Variants in DSCAML1 observed in about 807,000 individuals in gnomAD.
DSCAML1 encodes the protein cell adhesion molecule DSCAML1.
Under a neutral mutation model 200.5 loss-of-function variants are expected in DSCAML1, and 38 were observed. The observed-to-expected ratio is 0.19, with a 90% confidence interval of 0.15 to 0.25. The LOEUF is 0.25. DSCAML1 is among the 10% of genes least tolerant of loss of function. DSCAML1 has a pLI of 1.00. For synonymous variants in DSCAML1, 1,215 were observed against 1,165.0 expected, an observed-to-expected ratio of 1.04 and a Z score of -0.87; for missense variants, 2,223 against 2,858.8, an observed-to-expected ratio of 0.78 and a Z score of 5.07.
intron 11 of DSCAML1, among the ~76,000 whole-genome samples, chr11:117,490,771 G>A (rs903162185): frequency 2.0e-5 from 3 of 152,184 alleles, no homozygotes. Context: ...CCTTTCTTTC[G>A]GTTTATCCTA....
At position 117,698,589 on chromosome 11, in the gene DSCAML1, T is replaced by A. The variant is rs142057753; in HGVS notation, c.511+78202A>T. ...GGTTTGATCTCTTGTTATTATTATTTTTTTTTCTTTAAATAGTAGTCATTT... is the reference window on the plus strand; with the variant it reads ...GGTTTGATCTCTTGTTATTATTATTATTTTTTCTTTAAATAGTAGTCATTT... On this transcript the variant is annotated intron_variant, in intron 3 of 32. Transcript: ENST00000651296. 7.8e-3 allele frequency among the ~76,000 whole-genome samples: 1,193 copies of A among 152,348 alleles called. 4 individuals are homozygous for A. The highest frequency in any genetic ancestry group is 0.014 in the Non-Finnish European group (929 of 68,030).
At chr11:117,701,266 A>AAAATAAATAAAT (rs60286619) in intron 3 of DSCAML1, among the ~76,000 whole-genome samples, 4 of 150,838 alleles carry the variant, frequency 2.7e-5, no homozygotes, top group East Asian at 3.9e-4. Context: ...ACTCCATCTC[A>AAAATAAATAAAT]AAATAAATAA....
intron 3 of DSCAML1, among the ~76,000 whole-genome samples, chr11:117,737,812 T>C (rs1342091110): frequency 6.6e-6 from 1 of 152,074 alleles, no homozygotes; most frequent in Non-Finnish European, 1.5e-5. Context: ...GTCCCAGCAA[T>C]GGGAGCAACC....
chr11:117,757,912 C>T (rs987945742), intron 3 of DSCAML1, among the ~76,000 whole-genome samples: 2 of 152,142 alleles, frequency 1.3e-5, no homozygotes, highest in Non-Finnish European at 2.9e-5. Flanking sequence ...ATCGCTTGAA[C>T]CCAGGAGGTG....
chr11:117,521,401 G>A lies in DSCAML1; in HGVS notation c.942C>T (p.Pro314=). Reference sequence around the variant, plus strand: ...TCTTTGGTGTCAGGGTCACATGAAGGGGATCTGGGCCGGGCCAGGGAGACG... The same window carrying A: ...TCTTTGGTGTCAGGGTCACATGAAGAGGATCTGGGCCGGGCCAGGGAGACG... ...EATGILMVID[P]LHVTLTPKKL... The change falls in exon 6 of 33, where the codon CCC becomes CCT. Residue 314 remains proline (P), a synonymous_variant. Coordinates refer to ENST00000651296, the MANE Select transcript of DSCAML1 (RefSeq NM_020693.4). The A allele has an allele frequency of 6.2e-7, 1 of 1,612,716 alleles. No homozygotes were observed. Among genetic ancestry groups the A allele is most frequent in the Non-Finnish European group, 8.5e-7 (1 of 1,178,934 alleles).
chr11:117,554,771 G>C (rs2050529985), intron 3 of DSCAML1, among the ~76,000 whole-genome samples: 1 of 152,220 alleles, frequency 6.6e-6, no homozygotes, highest in Non-Finnish European at 1.5e-5. Context: ...GAGGATGGCA[G>C]AGCAGGAAGG....
At chr11:117,582,313 C>A (rs1200000545) in intron 3 of DSCAML1, among the ~76,000 whole-genome samples, 1 of 152,168 alleles carries the variant, frequency 6.6e-6, no homozygotes, top group African/African-American at 2.4e-5. Flanking sequence ...AAGTGCTGAG[C>A]TGTGGCTGGG....
At chr11:117,439,229 G>C (rs750949245) in intron 23 of DSCAML1, 37 bp downstream of exon 23, 1 of 1,610,008 alleles carries the variant, frequency 6.2e-7, no homozygotes. Context: ...CTCCATCCCT[G>C]TCCCCACCTG....
chr11:117,496,091 G>A (rs1308374809), intron 11 of DSCAML1, among the ~76,000 whole-genome samples: 1 of 152,066 alleles, frequency 6.6e-6, no homozygotes, highest in Non-Finnish European at 1.5e-5. Context: ...CCATCCCTCC[G>A]GGAAGCTCCA....
At chr11:117,735,912 A>C (rs1278257832) in intron 3 of DSCAML1, among the ~76,000 whole-genome samples, 1 of 152,190 alleles carries the variant, frequency 6.6e-6, no homozygotes, top group Non-Finnish European at 1.5e-5. Flanking sequence ...CTAAGGGGCA[A>C]CCATGCAGAG....
intron 3 of DSCAML1, among the ~76,000 whole-genome samples, chr11:117,671,066 A>G (rs771474705): frequency 1.2e-4 from 19 of 152,236 alleles, no homozygotes; most frequent in Non-Finnish European, 2.5e-4. Flanking sequence ...GCCTAGCATA[A>G]GGAATGCACT....
At chr11:117,481,079 C>T (rs1204618737) in intron 13 of DSCAML1, 95 bp downstream of exon 13, 15 of 1,194,392 alleles carry the variant, frequency 1.3e-5, no homozygotes, top group South Asian at 3.7e-5. Context: ...TCCACCATGG[C>T]GTAGGCTGTG....
At chr11:117,701,512 G>T (rs1258626355) in intron 3 of DSCAML1, among the ~76,000 whole-genome samples, 1 of 152,174 alleles carries the variant, frequency 6.6e-6, no homozygotes, top group African/African-American at 2.4e-5. Flanking sequence ...TGCATCTGGA[G>T]GTACACAGGC....
rs527612178 is a variant in DSCAML1, at chr11:117,710,802, A to G, written c.511+65989T>C. On this transcript the variant is annotated intron_variant, in intron 3 of 32. Coordinates refer to ENST00000651296, the MANE Select transcript of DSCAML1 (RefSeq NM_020693.4). ...TTGGATGGGCCCTGTGGACAATACCATAAATATAGCAATGTCTCTGCTCTC... is the reference window on the plus strand; with the variant it reads ...TTGGATGGGCCCTGTGGACAATACCGTAAATATAGCAATGTCTCTGCTCTC... Among the ~76,000 whole-genome samples the G allele has an allele frequency of 5.9e-5, 9 of 152,348 alleles. No individual in the cohort carries two copies. In the South Asian group the frequency reaches 1.9e-3, roughly 32 times the overall value.
chr11:117,796,755 C>T (rs1314566377), intron 1 of DSCAML1, among the ~76,000 whole-genome samples: 2 of 152,212 alleles, frequency 1.3e-5, no homozygotes, highest in Non-Finnish European at 2.9e-5. Context: ...GCAGAACTGC[C>T]GCCGTGCAGG....
rs147081430 is a variant in DSCAML1 at position 117,606,328 on chromosome 11, C to T, written c.512-73806G>A. On this transcript the variant is annotated intron_variant, in intron 3 of 32. Coordinates refer to ENST00000651296, the MANE Select transcript of DSCAML1 (RefSeq NM_020693.4). The stretch of plus-strand genomic sequence containing the variant: ...CTGGAGAAATTTACCTTCACTGCCC[C>T]CCTGGAGAAGTTCTCGCGGCCTCAG... Among the ~76,000 whole-genome samples, 324 of 152,284 alleles carry T rather than the reference C, an allele frequency of 2.1e-3. 3 individuals carry two copies. Among genetic ancestry groups the T allele is most frequent in the African/African-American group, 7.5e-3 (310 of 41,548 alleles).
chr11:117,797,325 C>A, upstream of DSCAML1: 1 of 1,283,226 alleles, frequency 7.8e-7, no homozygotes, highest in East Asian at 3.2e-5. Context: ...GTGAGCGCCG[C>A]GCGAGCCCGG....
Position 117,438,099 on chromosome 11 carries a change from C to A in DSCAML1, c.4244-16G>T, listed in dbSNP as rs746016237. 1 of 1,594,880 alleles carries A rather than the reference C, an allele frequency of 6.3e-7. No homozygotes were observed. Among genetic ancestry groups the A allele is most frequent in the African/African-American group, 1.3e-5 (1 of 74,750 alleles). On this transcript the variant is annotated splice_polypyrimidine_tract_variant and intron_variant, in intron 24 of 32. Transcript: ENST00000651296. The stretch of plus-strand genomic sequence containing the variant: ...AGCACGAAGCCTGCGGAGGGTAGGC[C>A]TGATTCAGGTGGGGGCAGGGCAGGG...
intron 14 of DSCAML1, among the ~76,000 whole-genome samples, chr11:117,478,934 C>T (rs570072441): frequency 1.6e-4 from 24 of 152,312 alleles, no homozygotes; most frequent in African/African-American, 3.1e-4. Context: ...GGTGGCTTAC[C>T]GCAACTCAAC....
Sources: allele counts gnomAD v4.1 joint callset (sites outside exome capture counted in the v4.1 genomes callset), GRCh38; gene constraint gnomAD v4.1.1; transcripts MANE v1.5; gene names NCBI Gene and HGNC (gene_info 2026-07-23, HGNC 2026-07-21).